Variants in METTL8 observed in about 807,000 individuals in gnomAD.
The protein encoded by METTL8 is tRNA N(3)-cytidine methyltransferase METTL8, mitochondrial.
A neutral mutation model predicts 48.7 loss-of-function variants in METTL8; 32 were observed. The ratio of observed to expected loss-of-function variants is 0.66; its 90% CI spans 0.50 to 0.88. METTL8 has a LOEUF of 0.88. METTL8 is among the 40% of genes least tolerant of loss of function. The probability of loss-of-function intolerance (pLI) is 0.00; values close to 1 mark genes in which losing one functional copy is unlikely to be tolerated. For synonymous variants in METTL8, 136 were observed against 157.1 expected (o/e 0.87, Z 1.01); for missense variants, 464 against 474.4 (o/e 0.98, Z 0.20).
At chr2:171,337,372 C>A in intron 5 of METTL8, 81 bp downstream of exon 5, 1 of 1,013,430 alleles carries the variant, frequency 9.9e-7, no homozygotes, top group Non-Finnish European at 1.5e-6. Context: ...TACTGGCATA[C>A]ACGTGACAAT....
intron 1 of METTL8, among the ~76,000 whole-genome samples, chr2:171,413,582 A>C (rs529489295): frequency 6.6e-6 from 1 of 152,348 alleles, no homozygotes; most frequent in African/African-American, 2.4e-5. Context: ...AAAAAGATTT[A>C]ATAAATATTT....
At chr2:171,389,085 A>G (rs958792658) in intron 2 of METTL8, among the ~76,000 whole-genome samples, 27 of 152,184 alleles carry the variant, frequency 1.8e-4, no homozygotes, top group Admixed American at 7.9e-4. Flanking sequence ...ATAGTTATAT[A>G]TATCTCATTT....
intron 3 of METTL8, among the ~76,000 whole-genome samples, chr2:171,358,034 G>GCC (rs952746601): frequency 6.6e-6 from 1 of 151,904 alleles, no homozygotes; most frequent in Non-Finnish European, 1.5e-5. Context: ...ATCCAGAATA[G>GCC]CCAAAGCAAT....
At chr2:171,387,282 G>C (rs1324152002) in intron 2 of METTL8, among the ~76,000 whole-genome samples, 4 of 152,182 alleles carry the variant, frequency 2.6e-5, no homozygotes, top group Non-Finnish European at 5.9e-5. Context: ...GAGCCCCACA[G>C]CCTGCCCATC....
intron 1 of METTL8, among the ~76,000 whole-genome samples, chr2:171,419,905 C>T (rs1691703169): frequency 6.6e-6 from 1 of 152,074 alleles, no homozygotes; most frequent in African/African-American, 2.4e-5. Context: ...TCCCCAAACT[C>T]CCTGTTTCTG....
chr2:171,422,870 A>C (rs111334171), intron 1 of METTL8, among the ~76,000 whole-genome samples: 1 of 152,238 alleles, frequency 6.6e-6, no homozygotes, highest in African/African-American at 2.4e-5. Context: ...TTGCTATAAC[A>C]ACATACAGAG....
chr2:171,420,728 T>G (rs1230582235), intron 1 of METTL8, among the ~76,000 whole-genome samples: 1 of 152,190 alleles, frequency 6.6e-6, no homozygotes, highest in Non-Finnish European at 1.5e-5. Flanking sequence ...AACCCAAGTT[T>G]GGTTTAACAA....
chr2:171,335,695 G>A (rs961047947), intron 5 of METTL8, among the ~76,000 whole-genome samples: 1 of 152,128 alleles, frequency 6.6e-6, no homozygotes, highest in African/African-American at 2.4e-5. Context: ...AAAGTGCTGG[G>A]ATTACAGGTG....
chr2:171,337,573 T>C, intron 4 of METTL8, 71 bp from the exon 5 acceptor site: 1 of 1,149,902 alleles, frequency 8.7e-7, no homozygotes, highest in South Asian at 1.4e-5. Flanking sequence ...TCAGATCTCC[T>C]ATTAAAGAAA....
intron 1 of METTL8, among the ~76,000 whole-genome samples, chr2:171,408,520 G>A (rs1254072412): frequency 6.6e-6 from 1 of 152,030 alleles, no homozygotes; most frequent in Non-Finnish European, 1.5e-5. Context: ...TCAAACTCCC[G>A]ATCTCACGTG....
chr2:171,429,228 T>C (rs770374515), intron 1 of METTL8, among the ~76,000 whole-genome samples: 3 of 152,140 alleles, frequency 2.0e-5, no homozygotes, highest in Non-Finnish European at 4.4e-5. Flanking sequence ...TGTTTAGGAG[T>C]GTATTGCTAA....
intron 1 of METTL8, among the ~76,000 whole-genome samples, chr2:171,405,451 C>T (rs183888952): frequency 4.1e-4 from 63 of 152,256 alleles, no homozygotes; most frequent in African/African-American, 1.5e-3. Context: ...TGACCTTTAT[C>T]AAGGTGATTT....
rs1687685965 is a variant in METTL8 at position 171,382,757 on chromosome 2, A to C, written c.143+9286T>G. On this transcript the variant is annotated intron_variant, in intron 2 of 9. Coordinates refer to ENST00000375258, the MANE Select transcript of METTL8 (RefSeq NM_001321154.2). ...AGAAAGAAAAAAAGAAAAGAAAACT[A>C]CAAAAAAACAAACAAACAAAAAACA... Among the ~76,000 whole-genome samples, 4 of 152,044 alleles carry C rather than the reference A, an allele frequency of 2.6e-5. 1 individual carries two copies. In the South Asian group the frequency reaches 8.3e-4, roughly 32 times the overall value.
chr2:171,316,737 C>A lies in METTL8; in HGVS notation c.*7435G>T, dbSNP rs573198046. Among the ~76,000 whole-genome samples, 3 of 152,092 alleles carry A rather than the reference C, an allele frequency of 2.0e-5. No individual in the cohort carries two copies. The highest frequency in any genetic ancestry group is 1.9e-4 in the East Asian group (1 of 5,184). The stretch of plus-strand genomic sequence containing the variant: ...TAAATATTAAAATAAATGAGGGCTG[C>A]GAAAGAAAAAGTATGAGCAATGAGA... On this transcript the variant is annotated 3_prime_UTR_variant, in exon 10 of 10. Coordinates refer to ENST00000375258, the MANE Select transcript of METTL8 (RefSeq NM_001321154.2).
Position 171,331,825 on chromosome 2 carries a change from A to G in METTL8, c.699T>C (p.Ser233=). ...ESFLYCCDFA[S]GAVELVKSHS... ...ATACCTTTACGAGCTCCACAGCTCC[A>G]GAAGCAAAATCACAACAATACAGAA... is the stretch of plus-strand genomic sequence containing the variant. Residue 233 remains serine (S), a synonymous_variant, in exon 6 of 10, where the codon TCT becomes TCC. Transcript: ENST00000375258. The G allele has an allele frequency of 1.9e-6, 3 of 1,604,970 alleles. No homozygotes were observed. Among genetic ancestry groups the G allele is most frequent in the South Asian group, 2.2e-5 (2 of 88,890 alleles).
chr2:171,414,858 T>C (rs1264287744), intron 1 of METTL8: 1 of 152,174 alleles, frequency 6.6e-6, no homozygotes, highest in Non-Finnish European at 1.5e-5. Context: ...AGGCATCTGG[T>C]GGGAGATAAA....
chr2:171,356,112 C>T (rs537248662), intron 3 of METTL8, among the ~76,000 whole-genome samples: 1 of 152,154 alleles, frequency 6.6e-6, no homozygotes. Context: ...CTTGGAACCA[C>T]ACCTTTTTGT....
At chr2:171,391,530 C>A (rs898406572) in intron 2 of METTL8, among the ~76,000 whole-genome samples, 3 of 152,212 alleles carry the variant, frequency 2.0e-5, no homozygotes, top group Admixed American at 6.5e-5. Flanking sequence ...TGAGCCCTCA[C>A]AATTTACTGC....
chr2:171,354,640 T>C (rs1684321989), intron 3 of METTL8, among the ~76,000 whole-genome samples: 4 of 152,216 alleles, frequency 2.6e-5, no homozygotes, highest in Non-Finnish European at 1.5e-5. Context: ...CCATATTACT[T>C]GGAGGCTTTG....
Sources: gnomAD v4.1 joint callset for allele counts (sites outside exome capture counted in the v4.1 genomes callset) on GRCh38, gnomAD v4.1.1 for gene constraint, MANE v1.5 for transcripts, NCBI Gene and HGNC (gene_info 2026-07-23, HGNC 2026-07-21) for gene names.